THADA: variants seen among roughly 807,000 people sequenced by gnomAD.
The protein encoded by THADA is THADA armadillo repeat containing.
Under a neutral mutation model 219.8 loss-of-function variants are expected in THADA, and 213 were observed. The ratio of observed to expected loss-of-function variants is 0.97; its 90% CI spans 0.87 to 1.09. THADA has a LOEUF of 1.09. Ranked by LOEUF, THADA falls within the 50% of genes least tolerant of loss-of-function variation. The pLI, the probability that THADA is intolerant of heterozygous loss-of-function variation, is 0.00. For synonymous variants in THADA, 1,018 were observed against 828.9 expected, an observed-to-expected ratio of 1.23 and a Z score of -3.92; for missense variants, 2,956 against 2,311.3, an observed-to-expected ratio of 1.28 and a Z score of -5.72.
rs761142574 is a variant in THADA at position 43,292,207 on chromosome 2, G to A, written c.4834C>T (p.His1612Tyr). 4 of 1,605,114 alleles carry A rather than the reference G, an allele frequency of 2.5e-6. No homozygotes were observed. Among genetic ancestry groups the A allele is most frequent in the Non-Finnish European group, 3.4e-6 (4 of 1,176,550 alleles). ...AGCCACTCACCAGGGTCCATGCAGT[G>A]GAGAATTTTCAGTATCTGTGTAAGC... The part of the protein sequence containing the change: ...ECFCKILKIL[H>Y]CMDPGEWLPQ... Residue 1612 changes from histidine (H) to tyrosine (Y), a missense_variant, in exon 33 of 38, where the codon CAC becomes TAC. Transcript: ENST00000405975.
chr2:43,576,915 G>GGA, intron 10 of THADA, 107 bp downstream of exon 10: 1 of 957,186 alleles, frequency 1.0e-6, no homozygotes. Context: ...TCAGCCTACT[G>GGA]GGAGGGTAGC....
chr2:43,473,007 G>T (rs1685094277), intron 26 of THADA, among the ~76,000 whole-genome samples: 1 of 152,134 alleles, frequency 6.6e-6, no homozygotes, highest in South Asian at 2.1e-4. Context: ...AGTGAGTGGT[G>T]GGTGAACATG....
intron 26 of THADA, among the ~76,000 whole-genome samples, chr2:43,472,915 A>T (rs1210140122): frequency 6.6e-6 from 1 of 152,112 alleles, no homozygotes; most frequent in Admixed American, 6.5e-5. Context: ...GCTATAAGAG[A>T]TAAAAAAAAA....
At chr2:43,289,976 G>GTTTTTT (rs59073038) in intron 34 of THADA, among the ~76,000 whole-genome samples, 3 of 92,008 alleles carry the variant, frequency 3.3e-5, no homozygotes, top group Non-Finnish European at 6.3e-5. Context: ...TTTTGTTTTT[G>GTTTTTT]TTTTTTTTTT....
chr2:43,352,779 C>G (rs1668434946), intron 29 of THADA, among the ~76,000 whole-genome samples: 1 of 152,030 alleles, frequency 6.6e-6, no homozygotes, highest in African/African-American at 2.4e-5. Flanking sequence ...CACCACCTTC[C>G]AGGGCAAGAG....
At chr2:43,363,037 C>T (rs1006254230) in intron 29 of THADA, among the ~76,000 whole-genome samples, 2 of 152,158 alleles carry the variant, frequency 1.3e-5, no homozygotes, top group African/African-American at 4.8e-5. Flanking sequence ...ACGCATGGAG[C>T]AGTCACCGTA....
intron 28 of THADA, among the ~76,000 whole-genome samples, chr2:43,419,094 C>G (rs1677374594): frequency 6.6e-6 from 1 of 152,114 alleles, no homozygotes; most frequent in South Asian, 2.1e-4. Flanking sequence ...GGACAGAACC[C>G]ACACCTGATG....
chr2:43,232,478 A>G (rs1667555221), intron 37 of THADA, among the ~76,000 whole-genome samples: 1 of 152,188 alleles, frequency 6.6e-6, no homozygotes, highest in African/African-American at 2.4e-5. Flanking sequence ...GTGCCCGGCC[A>G]GGGGCTTCTT....
Position 43,592,413 on chromosome 2 carries a change from G to C in THADA, c.-21C>G. ...CCCATTTTAAATAGAATTAATAGTA[G>C]TCACTGCAAGAAAGAAGACTTTAAG... On this transcript the variant is annotated 5_prime_UTR_variant, in exon 2 of 38. Transcript: ENST00000405975. The C allele has an allele frequency of 1.3e-6, 2 of 1,534,128 alleles. No homozygotes were observed. Among genetic ancestry groups the C allele is most frequent in the East Asian group, 2.3e-5 (1 of 43,846 alleles).
chr2:43,500,030 C>T (rs1688742207), intron 24 of THADA, among the ~76,000 whole-genome samples: 2 of 151,786 alleles, frequency 1.3e-5, no homozygotes, highest in Admixed American at 6.6e-5. Context: ...CATGACTAAC[C>T]AAGAAGAGAG....
At chr2:43,354,084 T>C (rs1187640434) in intron 29 of THADA, among the ~76,000 whole-genome samples, 1 of 152,138 alleles carries the variant, frequency 6.6e-6, no homozygotes, top group African/African-American at 2.4e-5. Flanking sequence ...ACCAAAGTGC[T>C]GGGATTACAG....
intron 28 of THADA, among the ~76,000 whole-genome samples, chr2:43,408,792 A>G (rs1675916532): frequency 6.6e-6 from 1 of 152,222 alleles, no homozygotes; most frequent in Non-Finnish European, 1.5e-5. Flanking sequence ...TTATTTTAAA[A>G]TATCATTATG....
At chr2:43,448,301 T>C (rs900611040) in intron 26 of THADA, among the ~76,000 whole-genome samples, 2 of 152,232 alleles carry the variant, frequency 1.3e-5, no homozygotes, top group Non-Finnish European at 2.9e-5. Context: ...CTGTAGCAGC[T>C]AACCAATCCC....
chr2:43,478,771 T>C (rs1050710622), intron 26 of THADA, among the ~76,000 whole-genome samples: 5 of 152,204 alleles, frequency 3.3e-5, no homozygotes, highest in South Asian at 2.1e-4. Context: ...AATTCCCACT[T>C]CAAGTTCATG....
intron 26 of THADA, among the ~76,000 whole-genome samples, chr2:43,480,658 A>T (rs1225687169): frequency 4.0e-5 from 6 of 151,708 alleles, no homozygotes; most frequent in East Asian, 1.9e-4. Context: ...AAAAAAAAAA[A>T]TTTCAAAAAA....
chr2:43,276,675 CT>C (rs2104296039), intron 36 of THADA, among the ~76,000 whole-genome samples: 1 of 152,320 alleles, frequency 6.6e-6, no homozygotes, highest in South Asian at 2.1e-4. Context: ...ACAGTTTATT[CT>C]GTTCCCACAG....
chr2:43,288,678 A>G (rs1674336639), intron 34 of THADA, among the ~76,000 whole-genome samples: 1 of 152,186 alleles, frequency 6.6e-6, no homozygotes, highest in South Asian at 2.1e-4. Flanking sequence ...TGAACTTTTC[A>G]TTCTTCAGGG....
intron 15 of THADA, chr2:43,565,011 G>A (rs1345973245): frequency 1.3e-5 from 2 of 152,066 alleles, no homozygotes; most frequent in Non-Finnish European, 2.9e-5. Flanking sequence ...GGGACAATTG[G>A]CAAAATTTAA....
intron 15 of THADA, chr2:43,565,977 ACTCG>A: frequency 6.5e-6 from 1 of 153,760 alleles, no homozygotes; most frequent in Non-Finnish European, 1.4e-5. Flanking sequence ...AGTCCCAGCT[ACTCG>A]GGAGGCTGAG....
Sources: allele counts gnomAD v4.1 joint callset (sites outside exome capture counted in the v4.1 genomes callset), GRCh38; gene constraint gnomAD v4.1.1; transcripts MANE v1.5; gene names NCBI Gene and HGNC (gene_info 2026-07-23, HGNC 2026-07-21).